Variants in VEPH1 observed in about 807,000 individuals in gnomAD.
VEPH1 encodes ventricular zone expressed PH domain containing 1.
Under a neutral mutation model 85.2 loss-of-function variants are expected in VEPH1, and 80 were observed. The observed-to-expected ratio is 0.94, with a 90% CI of 0.78 to 1.13. The LOEUF (loss-of-function observed/expected upper bound fraction) is 1.13, where lower values mean the gene tolerates loss of function less well. VEPH1 is among the 50% of genes most tolerant of loss of function. The probability of loss-of-function intolerance (pLI) is 0.00; values close to 1 mark genes in which losing one functional copy is unlikely to be tolerated. For synonymous variants in VEPH1, 297 were observed against 348.0 expected, an observed-to-expected ratio of 0.85 and a Z score of 1.63; for missense variants, 955 against 980.5, an observed-to-expected ratio of 0.97 and a Z score of 0.35.
At chr3:157,338,041 T>C (rs1500920) in intron 9 of VEPH1, among the ~76,000 whole-genome samples, 103,430 of 151,850 alleles carry the variant, frequency 0.68, 35,597 homozygotes, top group East Asian at 0.78. Context: ...TTCCTAGATA[T>C]GGGTGGGCTG....
At chr3:157,413,682 G>A in intron 6 of VEPH1, 199 bp downstream of exon 6, 1 of 981,992 alleles carries the variant, frequency 1.0e-6, no homozygotes, top group Non-Finnish European at 1.2e-6. Flanking sequence ...GAGAAATTGG[G>A]ACTCCCAGAA....
At chr3:157,465,381 T>C (rs1265029777) in intron 3 of VEPH1, among the ~76,000 whole-genome samples, 1 of 152,202 alleles carries the variant, frequency 6.6e-6, no homozygotes, top group African/African-American at 2.4e-5. Flanking sequence ...CTGCAGATAA[T>C]GATAATGATG....
chr3:157,409,900 T>C, intron 6 of VEPH1: 10 of 985,364 alleles, frequency 1.0e-5, no homozygotes, highest in Non-Finnish European at 1.2e-5. Flanking sequence ...GATCAAACCA[T>C]GGAGTTTGCT....
At chr3:157,400,297 T>G in intron 6 of VEPH1, among the ~76,000 whole-genome samples, 1 of 152,118 alleles carries the variant, frequency 6.6e-6, no homozygotes, top group Admixed American at 6.6e-5. Flanking sequence ...ATGTTAAAAA[T>G]TAAGGATAAG....
chr3:157,325,343 A>G (rs148668089), intron 9 of VEPH1, among the ~76,000 whole-genome samples: 1,899 of 152,232 alleles, frequency 0.012, 19 homozygotes, highest in Admixed American at 0.019. Context: ...CTTTAGTTTA[A>G]TTAGATCTCA....
chr3:157,408,058 T>C (rs1731270547), intron 6 of VEPH1, among the ~76,000 whole-genome samples: 1 of 152,152 alleles, frequency 6.6e-6, no homozygotes, highest in Non-Finnish European at 1.5e-5. Flanking sequence ...TAATGGATTC[T>C]TGCACAGAGA....
rs189711113 is a variant in VEPH1, at chr3:157,391,206, T to A, written c.907-9830A>T. Among the ~76,000 whole-genome samples, 213 of 152,280 alleles carry A rather than the reference T, an allele frequency of 1.4e-3. 1 individual carries two copies. Among genetic ancestry groups the A allele is most frequent in the Admixed American group, 3.1e-3 (48 of 15,290 alleles). ...GGCTGAGTGGGCAGAGCCAGCCCAA[T>A]GGTCACAAGGAAAACTTGGGCAGAG... On this transcript the variant is annotated intron_variant, in intron 6 of 13. Transcript: ENST00000362010.
chr3:157,325,275 C>T (rs1317088655), intron 9 of VEPH1, among the ~76,000 whole-genome samples: 1 of 151,630 alleles, frequency 6.6e-6, no homozygotes, highest in South Asian at 2.1e-4. Flanking sequence ...AAAATTTTCT[C>T]CCATTCTGTA....
At chr3:157,361,757 G>A (rs1009455214) in intron 9 of VEPH1, among the ~76,000 whole-genome samples, 11 of 152,176 alleles carry the variant, frequency 7.2e-5, no homozygotes, top group African/African-American at 2.4e-4. Flanking sequence ...TTTAGGACCC[G>A]TGTCTCAAAC....
Position 157,317,063 on chromosome 3 carries a change from T to G in VEPH1, c.1874A>C (p.Gln625Pro), listed in dbSNP as rs1720827112. ...CTGATGAACACAAATTATACAAACC[T>G]GCTGAAATAGAAACATGATCTGGAT... ...PWIQIMFLFQQSLFPEPLSIQ... is the reference protein window; with the variant it reads ...PWIQIMFLFQPSLFPEPLSIQ... The change falls in exon 10 of 14, where the codon CAG becomes CCG. Residue 625 changes from glutamine (Q) to proline (P), a missense_variant and splice_region_variant. Transcript: ENST00000362010. 3 of 1,610,832 alleles carry G rather than the reference T, an allele frequency of 1.9e-6. No individual in the cohort carries two copies. The highest frequency in any genetic ancestry group is 2.5e-6 in the Non-Finnish European group (3 of 1,178,566).
chr3:157,270,982 G>T (rs1346360942), intron 12 of VEPH1, among the ~76,000 whole-genome samples: 6 of 152,152 alleles, frequency 3.9e-5, no homozygotes, highest in African/African-American at 1.4e-4. Context: ...TGCAGAAAAG[G>T]ATCAGATAGG....
chr3:157,377,086 A>G (rs1294171652), intron 7 of VEPH1, among the ~76,000 whole-genome samples: 1 of 152,172 alleles, frequency 6.6e-6, no homozygotes, highest in African/African-American at 2.4e-5. Flanking sequence ...AGCCGTTCAG[A>G]CAAAAGGCTG....
intron 9 of VEPH1, among the ~76,000 whole-genome samples, chr3:157,323,603 G>A (rs532414211): frequency 2.6e-5 from 4 of 152,154 alleles, no homozygotes; most frequent in Non-Finnish European, 2.9e-5. Flanking sequence ...AAAGTACTAT[G>A]CTCATTTCCC....
At chr3:157,376,483 C>G (rs1349594518) in intron 7 of VEPH1, among the ~76,000 whole-genome samples, 1 of 152,192 alleles carries the variant, frequency 6.6e-6, no homozygotes, top group Non-Finnish European at 1.5e-5. Context: ...GATCTCTTCT[C>G]CAACCTGACA....
chr3:157,471,989 G>C (rs1737002036), intron 2 of VEPH1, among the ~76,000 whole-genome samples: 1 of 152,024 alleles, frequency 6.6e-6, no homozygotes, highest in South Asian at 2.1e-4. Flanking sequence ...GCAAAGAAAG[G>C]GTTTACAGTT....
At chr3:157,419,049 T>C (rs1456558416) in intron 5 of VEPH1, among the ~76,000 whole-genome samples, 1 of 152,116 alleles carries the variant, frequency 6.6e-6, no homozygotes, top group African/African-American at 2.4e-5. Flanking sequence ...TATCTGATCT[T>C]CAACAAACCT....
chr3:157,399,805 A>T (rs1302393174), intron 6 of VEPH1, among the ~76,000 whole-genome samples: 2 of 152,142 alleles, frequency 1.3e-5, no homozygotes, highest in African/African-American at 2.4e-5. Flanking sequence ...GCTGCCTGAA[A>T]TATTTTTTTT....
chr3:157,384,012 G>T (rs1729039316), intron 6 of VEPH1, among the ~76,000 whole-genome samples: 1 of 152,072 alleles, frequency 6.6e-6, no homozygotes, highest in Non-Finnish European at 1.5e-5. Context: ...GATGTGGGGG[G>T]TCCCTACCAT....
At chr3:157,360,719 G>A (rs1160227585) in intron 9 of VEPH1, among the ~76,000 whole-genome samples, 2 of 152,064 alleles carry the variant, frequency 1.3e-5, no homozygotes, top group Admixed American at 6.6e-5. Context: ...ATATAATAAA[G>A]CTAGTTGTTA....
Sources: gnomAD v4.1 joint callset for allele counts (sites outside exome capture counted in the v4.1 genomes callset) on GRCh38, gnomAD v4.1.1 for gene constraint, MANE v1.5 for transcripts, NCBI Gene and HGNC (gene_info 2026-07-23, HGNC 2026-07-21) for gene names.